Variants in KNG1 observed in about 807,000 individuals in gnomAD.
KNG1 encodes kininogen 1.
In KNG1, 23 loss-of-function variants were observed where a neutral mutation model predicts 47.8. The observed-to-expected ratio is 0.48, with a 90% confidence interval of 0.35 to 0.68. The LOEUF (loss-of-function observed/expected upper bound fraction) is 0.68, where lower values mean the gene tolerates loss of function less well. Among genes scored for constraint, KNG1 ranks in the 30% least tolerant of loss-of-function variants. KNG1 has a pLI of 0.01. For synonymous variants in KNG1, 277 were observed against 277.0 expected (o/e 1.00, Z 0.00); for missense variants, 762 against 790.2 (o/e 0.96, Z 0.43).
rs190917693 is a variant in KNG1 at position 186,725,182 on chromosome 3, C to T, written c.486C>T (p.His162=). The change falls in exon 4 of 10, where the codon CAC becomes CAT. Residue 162 remains histidine, a synonymous_variant. Coordinates refer to ENST00000644859, the MANE Select transcript of KNG1 (RefSeq NM_001102416.3). ...QSPDLEPILR[H]GIQYFNNNTQ... is the part of the protein sequence containing the mutation. ...CAGACCTGGAGCCCATTCTGAGACA[C>T]GGCATTCAGTACTTTAACAACAACA... is the stretch of plus-strand genomic sequence containing the variant. 432 of 1,614,106 alleles carry T rather than the reference C, an allele frequency of 2.7e-4. 2 individuals are homozygous for T. In the East Asian group the frequency reaches 8.4e-3, roughly 31 times the overall value.
intron 2 of KNG1, 72 bp from the exon 3 acceptor site, chr3:186,722,365 T>C: frequency 8.0e-7 from 1 of 1,249,788 alleles, no homozygotes; most frequent in African/African-American, 1.5e-5. Context: ...GAAAGCCACA[T>C]TTAGCAACAG....
chr3:186,722,461 G>T lies in KNG1; in HGVS notation c.331G>T (p.Val111Leu). Reference sequence around the variant, plus strand: ...GGCCACTGGAGAATGCACGGCAACCGTGGGGAAGAGGAGCAGTACGAAATT... The same window carrying T: ...GGCCACTGGAGAATGCACGGCAACCTTGGGGAAGAGGAGCAGTACGAAATT... ...KAATGECTAT[V>L]GKRSSTKFSV... is the part of the protein sequence containing the mutation. Residue 111 changes from valine (V) to leucine (L), a missense_variant, in exon 3 of 10, where the codon GTG (valine) becomes TTG (leucine). Coordinates refer to ENST00000644859, the MANE Select transcript of KNG1 (RefSeq NM_001102416.3). 1 of 1,613,890 alleles carries T rather than the reference G, an allele frequency of 6.2e-7. No individual in the cohort carries two copies. The highest frequency in any genetic ancestry group is 8.5e-7 in the Non-Finnish European group (1 of 1,179,834).
At position 186,741,893 on chromosome 3, in the gene KNG1, T is replaced by A. The variant is rs750916035; in HGVS notation, c.1497T>A (p.His499Gln). The change falls in exon 10 of 10, where the codon CAT becomes CAA. Residue 499 changes from histidine (H) to glutamine (Q), a missense_variant. Coordinates refer to ENST00000644859, the MANE Select transcript of KNG1 (RefSeq NM_001102416.3). ...HVLDHGHKHKHGHGHGKHKNK... is the reference protein window; with the variant it reads ...HVLDHGHKHKQGHGHGKHKNK... ...TTGACCATGGACATAAGCATAAGCATGGTCATGGCCACGGAAAACATAAAA... is the reference window on the plus strand; with the variant it reads ...TTGACCATGGACATAAGCATAAGCAAGGTCATGGCCACGGAAAACATAAAA... 2 of 1,613,922 alleles carry A rather than the reference T, an allele frequency of 1.2e-6. No individual in the cohort carries two copies. Among genetic ancestry groups the A allele is most frequent in the Non-Finnish European group, 1.7e-6 (2 of 1,179,996 alleles).
rs774226752 is a variant in KNG1, at chr3:186,726,274, C to CTTTTTT, written c.565-948_565-943dup. 2.5e-4 allele frequency among the ~76,000 whole-genome samples: 28 copies of CTTTTTT among 113,694 alleles called. 1 individual carries two copies. The highest frequency in any genetic ancestry group is 3.5e-4 in the Non-Finnish European group (19 of 54,670). The allele number at this position is 113,694 out of a possible 152,430, so 74.6% of individuals were successfully genotyped here. ...GATTCAGTACACCCAGACTTTTCTT[C>CTTTTTT]TTTTTTTTTTTTTTTTTTTTGTTTT... On this transcript the variant is annotated intron_variant, in intron 4 of 9. Transcript: ENST00000644859.
chr3:186,731,487 C>T, intron 5 of KNG1, 58 bp from the exon 6 acceptor site: 1 of 1,007,534 alleles, frequency 9.9e-7, no homozygotes, highest in Admixed American at 1.8e-5. Context: ...TAGTTGTTTA[C>T]TTTTAAGACT....
At chr3:186,721,946 T>A (rs1720211835) in intron 2 of KNG1, 2 of 171,408 alleles carry the variant, frequency 1.2e-5, no homozygotes, top group South Asian at 2.7e-4. Flanking sequence ...TGAAACCCTG[T>A]CTCTACCAAA....
chr3:186,743,722 C>G lies in KNG1; in HGVS notation c.*1391C>G. ...ACTTACAGAGTCACCTAAGGTCCTG[C>G]GAGTACAAGGGTCGACCCCCAAAGG... On this transcript the variant is annotated 3_prime_UTR_variant, in exon 10 of 10. Coordinates refer to ENST00000644859, the MANE Select transcript of KNG1 (RefSeq NM_001102416.3). The G allele has an allele frequency of 1.2e-6, 2 of 1,613,690 alleles. No homozygotes were observed. The highest frequency in any genetic ancestry group is 8.5e-7 in the Non-Finnish European group (1 of 1,179,646).
At chr3:186,718,609 A>G (rs1851665) in intron 1 of KNG1, 52,036 of 150,892 alleles carry the variant, frequency 0.34, 9,276 homozygotes, top group South Asian at 0.43. Context: ...AGAAATCTCA[A>G]CAGGACCAAG....
intron 4 of KNG1, among the ~76,000 whole-genome samples, chr3:186,726,358 T>A (rs1221112610): frequency 4.0e-5 from 6 of 151,206 alleles, no homozygotes; most frequent in African/African-American, 1.5e-4. Flanking sequence ...TGGTGCCATC[T>A]TGGTTCACTG....
intron 5 of KNG1, among the ~76,000 whole-genome samples, chr3:186,729,767 G>C (rs1720463523): frequency 6.6e-6 from 1 of 151,934 alleles, no homozygotes; most frequent in Non-Finnish European, 1.5e-5. Context: ...CCGCCTCCCG[G>C]GTTCAAGTGA....
intron 4 of KNG1, among the ~76,000 whole-genome samples, chr3:186,725,774 A>T (rs1267724581): frequency 6.0e-5 from 9 of 150,678 alleles, no homozygotes; most frequent in African/African-American, 2.2e-4. Context: ...GGATGGTCTC[A>T]ATCTCCTGGC....
chr3:186,738,368 T>C (rs1034681173), intron 7 of KNG1: 6 of 152,204 alleles, frequency 3.9e-5, no homozygotes, highest in Admixed American at 1.3e-4. Flanking sequence ...ACATAATTTC[T>C]ATAGTAGTAC....
chr3:186,720,756 T>TGGC lies in KNG1; in HGVS notation c.306+542_306+544dup, dbSNP rs1720167645. On this transcript the variant is annotated intron_variant, in intron 2 of 9. Coordinates refer to ENST00000644859, the MANE Select transcript of KNG1 (RefSeq NM_001102416.3). Reference sequence around the variant, plus strand: ...TAACCAAATGCCTAACATATAGGCCTGGCACACCATAGCTGGTTGTTGTTT... The same window carrying TGGC: ...TAACCAAATGCCTAACATATAGGCCTGGCGGCACACCATAGCTGGTTGTTGTTT... 2.6e-5 allele frequency: 4 copies of TGGC among 153,680 alleles called. No homozygotes were observed. The South Asian group carries it at 8.0e-4, about 31-fold the overall frequency. 9.5% of individuals were successfully genotyped at this position (153,680 alleles called of 1,614,324 possible).
intron 7 of KNG1, among the ~76,000 whole-genome samples, chr3:186,737,563 G>A (rs1236995631): frequency 1.3e-5 from 2 of 151,766 alleles, no homozygotes; most frequent in Non-Finnish European, 2.9e-5. Context: ...TTTTTGTTTT[G>A]TTTTGTTTCC....
chr3:186,736,965 T>A (rs777389572), intron 7 of KNG1: 2 of 152,122 alleles, frequency 1.3e-5, no homozygotes, highest in Non-Finnish European at 2.9e-5. Flanking sequence ...GGCAGGAGAA[T>A]CACTTGAATT....
Position 186,742,289 on chromosome 3 carries a change from GA to G in KNG1, c.1896del (p.Glu633AsnfsTer42). ...GTGAAATTAATCCAACCACACAAAT[GA>G]AAGAATCTTATTATTTCGATCTCAC... ...VSEINPTTQM[K>X]ESYYFDLTDG... On this transcript the variant is annotated frameshift_variant, in exon 10 of 10. Coordinates refer to ENST00000644859, the MANE Select transcript of KNG1 (RefSeq NM_001102416.3). LOFTEE classifies it high-confidence loss of function. 1 of 1,614,128 alleles carries G rather than the reference GA, an allele frequency of 6.2e-7. No homozygotes were observed.
At chr3:186,722,596 C>G in intron 3 of KNG1, 75 bp downstream of exon 3, 1 of 1,191,160 alleles carries the variant, frequency 8.4e-7, no homozygotes, top group Non-Finnish European at 1.2e-6. Flanking sequence ...CAATCTTGAC[C>G]AGGCTCTGCT....
At chr3:186,730,669 AAAAAAAAAAAAAAAATATATATATATAT>A (rs869208540) in intron 5 of KNG1, among the ~76,000 whole-genome samples, 3,483 of 63,402 alleles carry the variant, frequency 0.055, 56 homozygotes, top group African/African-American at 0.09. Flanking sequence ...AAAAAAAAAA[AAAAAAAAAAAAAAAATATATATATATAT>A]ATATATATAT....
In KNG1 at chr3:186,731,527, A is replaced by G. The variant is rs1185634666; in HGVS notation, c.673-18A>G. The G allele has an allele frequency of 6.5e-7, 1 of 1,532,998 alleles. No individual in the cohort carries two copies. The highest frequency in any genetic ancestry group is 9.0e-7 in the Non-Finnish European group (1 of 1,106,214). 95.0% of individuals were successfully genotyped at this position (1,532,998 alleles called of 1,614,324 possible). Reference sequence around the variant, plus strand: ...AAAATGTTTTTAACTGAGCACTTATATGCTTTTTAAAAACCAGGATACCGG... The same window carrying G: ...AAAATGTTTTTAACTGAGCACTTATGTGCTTTTTAAAAACCAGGATACCGG... On this transcript the variant is annotated intron_variant, in intron 5 of 9. Transcript: ENST00000644859.
Sources: gnomAD v4.1 joint callset for allele counts (sites outside exome capture counted in the v4.1 genomes callset) on GRCh38, gnomAD v4.1.1 for gene constraint, MANE v1.5 for transcripts, NCBI Gene and HGNC (gene_info 2026-07-23, HGNC 2026-07-21) for gene names.